The following CPNE4 variants were observed in gnomAD, a reference collection of about 807,000 sequenced individuals.
The protein encoded by CPNE4 is copine-4.
In CPNE4, 25 loss-of-function variants were observed where a neutral mutation model predicts 67.9. The observed-to-expected ratio is 0.37, with a 90% CI of 0.27 to 0.51. CPNE4 has a LOEUF of 0.51. Among genes scored for constraint, CPNE4 ranks in the 20% least tolerant of loss-of-function variants. CPNE4 has a pLI of 0.93. For missense variants in CPNE4, 464 were observed against 690.8 expected (o/e 0.67, Z 3.68); for synonymous variants, 242 against 244.9 (o/e 0.99, Z 0.11).
chr3:131,717,875 T>C (rs138565934), intron 3 of CPNE4, among the ~76,000 whole-genome samples: 11,018 of 28,222 alleles, frequency 0.39, 1,407 homozygotes, highest in Middle Eastern at 0.5. Context: ...CTTTCTTTCT[T>C]TTCTTTCTTT....
At chr3:131,821,889 A>C (rs529052464) in intron 2 of CPNE4, among the ~76,000 whole-genome samples, 1 of 152,288 alleles carries the variant, frequency 6.6e-6, no homozygotes, top group Admixed American at 6.5e-5. Flanking sequence ...TCCTTTGAAC[A>C]ATAGGAAAAC....
chr3:131,649,745 C>A (rs1016755195), intron 7 of CPNE4, among the ~76,000 whole-genome samples: 3 of 152,066 alleles, frequency 2.0e-5, no homozygotes, highest in Non-Finnish European at 2.9e-5. Context: ...ATAAGGTATG[C>A]AAAACCTAAG....
At chr3:131,770,680 G>C (rs900175254) in intron 2 of CPNE4, among the ~76,000 whole-genome samples, 2 of 152,228 alleles carry the variant, frequency 1.3e-5, no homozygotes, top group Admixed American at 6.5e-5. Flanking sequence ...CCACCTGCTT[G>C]TCTGTAAGCC....
intron 1 of CPNE4, among the ~76,000 whole-genome samples, chr3:131,932,033 T>A (rs2071077474): frequency 6.6e-6 from 1 of 152,184 alleles, no homozygotes; most frequent in African/African-American, 2.4e-5. Context: ...AAGGCAATGT[T>A]TCCCATGCAC....
At chr3:131,901,208 T>A (rs925724212) in intron 2 of CPNE4, among the ~76,000 whole-genome samples, 1 of 152,104 alleles carries the variant, frequency 6.6e-6, no homozygotes, top group Non-Finnish European at 1.5e-5. Flanking sequence ...AAGTGTTTGT[T>A]TGTACCACTT....
At chr3:131,568,381 A>G (rs1227417530) in intron 10 of CPNE4, among the ~76,000 whole-genome samples, 1 of 152,046 alleles carries the variant, frequency 6.6e-6, no homozygotes, top group Non-Finnish European at 1.5e-5. Context: ...AGGCAGTGAA[A>G]GATGGGATTA....
chr3:131,801,373 AT>A (rs2084103582), intron 2 of CPNE4, among the ~76,000 whole-genome samples: 1 of 103,394 alleles, frequency 9.7e-6, no homozygotes, highest in South Asian at 3.5e-4. Flanking sequence ...TATATGTACC[AT>A]ATATATATAT....
At chr3:131,961,223 G>GT (rs556750268) in intron 1 of CPNE4, among the ~76,000 whole-genome samples, 179 of 151,734 alleles carry the variant, frequency 1.2e-3, no homozygotes, top group Non-Finnish European at 1.2e-3. Context: ...CATAGAATGA[G>GT]TTTTTTTCCT....
chr3:131,555,109 G>A (rs1936390652), intron 12 of CPNE4, among the ~76,000 whole-genome samples: 1 of 152,024 alleles, frequency 6.6e-6, no homozygotes, highest in Non-Finnish European at 1.5e-5. Context: ...AAGAAAGTCT[G>A]TAGACTCCAT....
intron 1 of CPNE4, among the ~76,000 whole-genome samples, chr3:132,033,380 AGAGT>A (rs2074277325): frequency 1.4e-5 from 2 of 139,840 alleles, no homozygotes; most frequent in South Asian, 4.9e-4. Context: ...AAATCCTGTG[AGAGT>A]GTGTGAGTGT....
chr3:131,568,203 T>G (rs74350477), intron 10 of CPNE4, among the ~76,000 whole-genome samples: 4,175 of 152,156 alleles, frequency 0.027, 64 homozygotes, highest in Middle Eastern at 0.051. Flanking sequence ...TTTTCATTTT[T>G]ATTTTCTGGA....
At chr3:131,619,807 A>G (rs1026895277) in intron 7 of CPNE4, among the ~76,000 whole-genome samples, 2 of 152,174 alleles carry the variant, frequency 1.3e-5, no homozygotes, top group Non-Finnish European at 2.9e-5. Context: ...ATACACCCTA[A>G]ATGGTTAATA....
intron 6 of CPNE4, among the ~76,000 whole-genome samples, chr3:131,673,098 C>T (rs1188631242): frequency 6.6e-6 from 1 of 152,014 alleles, no homozygotes; most frequent in Admixed American, 6.6e-5. Flanking sequence ...AAGAGACTAT[C>T]CTTTCCATAA....
chr3:131,760,778 A>G (rs975524185), intron 2 of CPNE4, among the ~76,000 whole-genome samples: 19 of 152,146 alleles, frequency 1.2e-4, no homozygotes, highest in Non-Finnish European at 2.8e-4. Context: ...TTTTCTTTTT[A>G]AAAGGGCAAT....
At chr3:131,923,741 T>TA (rs2070811517) in intron 1 of CPNE4, among the ~76,000 whole-genome samples, 1 of 91,654 alleles carries the variant, frequency 1.1e-5, no homozygotes, top group Non-Finnish European at 2.3e-5. Flanking sequence ...TAAAAAAAAA[T>TA]AGAAAAAAAA....
intron 7 of CPNE4, among the ~76,000 whole-genome samples, chr3:131,598,992 A>C (rs1317380833): frequency 1.3e-5 from 2 of 152,176 alleles, no homozygotes; most frequent in Non-Finnish European, 2.9e-5. Flanking sequence ...CTGTGTTCTC[A>C]TACCACTCAG....
rs1396525550 is a variant in CPNE4 at position 131,699,963 on chromosome 3, C to T, written c.378G>A (p.Lys126=). 6.2e-7 allele frequency: 1 copy of T among 1,606,342 alleles called. No individual in the cohort carries two copies. The highest frequency in any genetic ancestry group is 2.2e-5 in the East Asian group (1 of 44,698). The change falls in exon 4 of 16, where the codon AAG becomes AAA. Residue 126 remains lysine (K), a synonymous_variant. Coordinates refer to ENST00000429747, the MANE Select transcript of CPNE4 (RefSeq NM_130808.3). ...CATGCTTCAGCAAGGATTTGGACAG[C>T]TTTCTCTGGGAAACAATCTGCAAAA... ...CTLGQIVSQR[K]LSKSLLKHGN...
intron 2 of CPNE4, among the ~76,000 whole-genome samples, chr3:131,773,431 T>A (rs1191125694): frequency 1.3e-5 from 2 of 152,108 alleles, no homozygotes; most frequent in Admixed American, 6.6e-5. Context: ...CACTTCACAC[T>A]CTGCCTCCTG....
At chr3:131,792,101 A>G (rs979164642) in intron 2 of CPNE4, among the ~76,000 whole-genome samples, 3 of 152,114 alleles carry the variant, frequency 2.0e-5, no homozygotes, top group African/African-American at 4.8e-5. Context: ...AATGGTTGCA[A>G]TGATTCTCTT....
Sources: allele counts gnomAD v4.1 joint callset (sites outside exome capture counted in the v4.1 genomes callset), GRCh38; gene constraint gnomAD v4.1.1; transcripts MANE v1.5; gene names NCBI Gene and HGNC (gene_info 2026-07-23, HGNC 2026-07-21).